Variants in SOX5 observed in about 807,000 individuals in gnomAD.
The protein encoded by SOX5 is transcription factor SOX-5.
In SOX5, 9 loss-of-function variants were observed where a neutral mutation model predicts 92.0. That is an observed-to-expected ratio of 0.10 (90% CI 0.06 to 0.17). SOX5 has a LOEUF of 0.17. SOX5 is among the 10% of genes least tolerant of loss of function. The pLI is 1.00. For synonymous variants in SOX5, 344 were observed against 336.3 expected, an observed-to-expected ratio of 1.02 and a Z score of -0.25; for missense variants, 642 against 944.5, an observed-to-expected ratio of 0.68 and a Z score of 4.20.
chr12:23,966,648 C>T (rs1202525910), intron 4 of SOX5, among the ~76,000 whole-genome samples: 1 of 136,578 alleles, frequency 7.3e-6, no homozygotes, highest in African/African-American at 2.6e-5. Context: ...TTATTATGTG[C>T]GTGTCTAAGA....
intron 8 of SOX5, among the ~76,000 whole-genome samples, chr12:23,605,528 CA>C (rs2075138050): frequency 6.6e-6 from 1 of 150,868 alleles, no homozygotes; most frequent in Non-Finnish European, 1.5e-5. Flanking sequence ...TCTTATTTCT[CA>C]TTTGTCTTGA....
chr12:24,173,780 CG>C (rs2139170901), intron 4 of SOX5, among the ~76,000 whole-genome samples: 1 of 152,220 alleles, frequency 6.6e-6, no homozygotes, highest in Admixed American at 6.5e-5. Flanking sequence ...TTTTTATGAA[CG>C]TCCACTGTAA....
chr12:24,512,271 T>C (rs1362958420), intron 1 of SOX5, among the ~76,000 whole-genome samples: 1 of 152,194 alleles, frequency 6.6e-6, no homozygotes, highest in African/African-American at 2.4e-5. Context: ...AAAACACGGA[T>C]ACTTGATCTA....
intron 1 of SOX5, among the ~76,000 whole-genome samples, chr12:24,546,137 T>C (rs1952603111): frequency 6.6e-6 from 1 of 152,188 alleles, no homozygotes; most frequent in South Asian, 2.1e-4. Context: ...TTAACTAAAG[T>C]AGCAACACAT....
chr12:24,087,463 A>AT (rs1166420345), intron 4 of SOX5, among the ~76,000 whole-genome samples: 2 of 152,076 alleles, frequency 1.3e-5, no homozygotes, highest in African/African-American at 4.8e-5. Flanking sequence ...AGTAAAACCA[A>AT]TAGGGTGCTT....
At chr12:24,487,764 A>G (rs1946661770) in intron 1 of SOX5, among the ~76,000 whole-genome samples, 1 of 152,126 alleles carries the variant, frequency 6.6e-6, no homozygotes. Context: ...CATCACCACA[A>G]CTTCTGCCTG....
chr12:24,175,430 A>T (rs1378102826), intron 4 of SOX5, among the ~76,000 whole-genome samples: 4 of 152,248 alleles, frequency 2.6e-5, no homozygotes, highest in African/African-American at 4.8e-5. Flanking sequence ...CTCTGTTTCC[A>T]CAAGGGTGGA....
chr12:23,824,000 T>C (rs1007310282), intron 3 of SOX5, among the ~76,000 whole-genome samples: 5 of 152,252 alleles, frequency 3.3e-5, no homozygotes, highest in African/African-American at 1.2e-4. Flanking sequence ...CTGGTTATTC[T>C]AGTTAGCAAT....
At chr12:23,846,676 T>G (rs897513003) in intron 2 of SOX5, among the ~76,000 whole-genome samples, 2 of 152,204 alleles carry the variant, frequency 1.3e-5, no homozygotes, top group African/African-American at 4.8e-5. Flanking sequence ...ATGTTCATTT[T>G]CAGTAGCTGC....
chr12:24,446,498 A>C (rs928117208), intron 1 of SOX5, among the ~76,000 whole-genome samples: 1 of 152,202 alleles, frequency 6.6e-6, no homozygotes, highest in Non-Finnish European at 1.5e-5. Context: ...TGAGGGAGGG[A>C]TGCAAATCTT....
At chr12:23,612,234 T>A (rs1016110542) in intron 8 of SOX5, among the ~76,000 whole-genome samples, 2 of 152,100 alleles carry the variant, frequency 1.3e-5, no homozygotes, top group Non-Finnish European at 2.9e-5. Flanking sequence ...AATTTATTGA[T>A]ATACATTAGA....
At chr12:23,931,394 T>C (rs1281807314) in intron 1 of SOX5, among the ~76,000 whole-genome samples, 1 of 151,726 alleles carries the variant, frequency 6.6e-6, no homozygotes, top group African/African-American at 2.4e-5. Flanking sequence ...CAGTGAAATG[T>C]ATAGCCAAGA....
chr12:24,477,404 G>T (rs1196410021), intron 1 of SOX5, among the ~76,000 whole-genome samples: 1 of 152,070 alleles, frequency 6.6e-6, no homozygotes, highest in African/African-American at 2.4e-5. Flanking sequence ...AAAGTGCTGG[G>T]ATTACAGGTG....
At chr12:23,997,798 G>T (rs1951181588) in intron 4 of SOX5, among the ~76,000 whole-genome samples, 1 of 152,142 alleles carries the variant, frequency 6.6e-6, no homozygotes, top group African/African-American at 2.4e-5. Context: ...TAGGAAGACA[G>T]ATTTTAAAAG....
chr12:24,434,924 T>C (rs1186215178), intron 1 of SOX5, among the ~76,000 whole-genome samples: 2 of 152,262 alleles, frequency 1.3e-5, no homozygotes, highest in African/African-American at 2.4e-5. Flanking sequence ...TAATACAGTC[T>C]GTGTCCCTCA....
chr12:23,993,520 A>G (rs1950746693), intron 4 of SOX5, among the ~76,000 whole-genome samples: 1 of 152,172 alleles, frequency 6.6e-6, no homozygotes, highest in African/African-American at 2.4e-5. Context: ...TCAGACTGTC[A>G]ACATGCCACT....
chr12:24,457,493 G>T (rs1943149968), intron 1 of SOX5, among the ~76,000 whole-genome samples: 1 of 152,044 alleles, frequency 6.6e-6, no homozygotes, highest in Non-Finnish European at 1.5e-5. Flanking sequence ...TCTTATTTGG[G>T]CATACAGACA....
intron 9 of SOX5, among the ~76,000 whole-genome samples, chr12:23,578,138 A>AAAAAAAAAAAAAC (rs1401564279): frequency 6.8e-6 from 1 of 146,912 alleles, no homozygotes; most frequent in Non-Finnish European, 1.5e-5. Flanking sequence ...AAAAAAAAAA[A>AAAAAAAAAAAAAC]AAAAAAAAAA....
intron 3 of SOX5, among the ~76,000 whole-genome samples, chr12:23,774,397 A>G (rs1001718303): frequency 2.0e-5 from 3 of 152,232 alleles, no homozygotes; most frequent in Non-Finnish European, 2.9e-5. Flanking sequence ...TATTTATCTA[A>G]TAAGTTTCAT....
Sources: gnomAD v4.1 joint callset for allele counts (sites outside exome capture counted in the v4.1 genomes callset) on GRCh38, gnomAD v4.1.1 for gene constraint, MANE v1.5 for transcripts, NCBI Gene and HGNC (gene_info 2026-07-23, HGNC 2026-07-21) for gene names.